Variants in FAM153A observed in about 807,000 individuals in gnomAD.
The protein encoded by FAM153A is family with sequence similarity 153 member A, also known as protein FAM153A.
A neutral mutation model predicts 48.1 loss-of-function variants in FAM153A; 12 were observed. The ratio of observed to expected loss-of-function variants is 0.25; its 90% CI spans 0.16 to 0.40. FAM153A has a LOEUF of 0.40. Among genes scored for constraint, FAM153A ranks in the 10% least tolerant of loss-of-function variants. The pLI, the probability that FAM153A is intolerant of heterozygous loss-of-function variation, is 1.00. For synonymous variants in FAM153A, 36 were observed against 118.2 expected (o/e 0.30, Z 4.51); for missense variants, 111 against 345.8 (o/e 0.32, Z 5.38).
chr5:177,715,606 T>C (rs1373611845), intron 25 of FAM153A, among the ~76,000 whole-genome samples: 7 of 151,762 alleles, frequency 4.6e-5, no homozygotes, highest in Admixed American at 2.0e-4. Flanking sequence ...GGCCAGCCTG[T>C]ACTTGCCTTC....
At chr5:177,703,045 C>A (rs1757587645), downstream of FAM153A, among the ~76,000 whole-genome samples, 6 of 152,246 alleles carry the variant, frequency 3.9e-5, no homozygotes, top group South Asian at 1.2e-3. Flanking sequence ...CCTAGTGGAG[C>A]TGTGAGAAGA....
downstream of FAM153A, among the ~76,000 whole-genome samples, chr5:177,709,137 G>GAAAAGCCT (rs1202009129): frequency 2.9e-5 from 2 of 69,048 alleles, no homozygotes; most frequent in East Asian, 9.7e-4. Flanking sequence ...AAAAAAGAAA[G>GAAAAGCCT]AAAAGCCTAG....
intron 1 of FAM153A, among the ~76,000 whole-genome samples, chr5:177,761,653 C>T (rs1182954198): frequency 1.0e-5 from 1 of 98,804 alleles, no homozygotes; most frequent in Non-Finnish European, 2.1e-5. Context: ...GAGTTTGTGG[C>T]GCGTTCTTTG....
At position 177,734,415 on chromosome 5, in the gene FAM153A, A is replaced by G; in HGVS notation, c.736-11T>C. The G allele has an allele frequency of 8.3e-7, 1 of 1,200,226 alleles. No homozygotes were observed. Among genetic ancestry groups the G allele is most frequent in the Non-Finnish European group, 1.2e-6 (1 of 866,270 alleles). 74.3% of individuals were successfully genotyped at this position (1,200,226 alleles called of 1,614,324 possible). On this transcript the variant is annotated splice_polypyrimidine_tract_variant and intron_variant, in intron 13 of 20. Transcript: ENST00000614127. ...AACTCCCAAGGATGTCTGTAACGACAGAAAATAAATTGCTATGAGCATCAG... is the reference window on the plus strand; with the variant it reads ...AACTCCCAAGGATGTCTGTAACGACGGAAAATAAATTGCTATGAGCATCAG...
chr5:177,699,504 C>T, the FAM153A span, among the ~76,000 whole-genome samples: 1 of 151,886 alleles, frequency 6.6e-6, no homozygotes, highest in African/African-American at 2.4e-5. Context: ...TCCAAAATTA[C>T]TAAAATTAGG....
chr5:177,769,067 TC>T (rs1342502946), intron 1 of FAM153A, among the ~76,000 whole-genome samples: 1 of 56,936 alleles, frequency 1.8e-5, no homozygotes, highest in Non-Finnish European at 3.4e-5. Flanking sequence ...ACTAAAGAAA[TC>T]CAAAAAAAAA....
intron 25 of FAM153A, among the ~76,000 whole-genome samples, chr5:177,715,702 T>A (rs948464287): frequency 6.6e-6 from 1 of 151,808 alleles, no homozygotes; most frequent in African/African-American, 2.4e-5. Context: ...AACACTTTTT[T>A]TGTTAGTTTT....
intron 25 of FAM153A, among the ~76,000 whole-genome samples, chr5:177,715,623 C>T (rs977765175): frequency 4.0e-5 from 6 of 151,692 alleles, no homozygotes; most frequent in African/African-American, 1.2e-4. Flanking sequence ...CTTCACACTG[C>T]GTCTTCCTTC....
At chr5:177,715,324 G>A (rs62398516) in intron 25 of FAM153A, among the ~76,000 whole-genome samples, 75,123 of 138,056 alleles carry the variant, frequency 0.54, 20,985 homozygotes, top group Middle Eastern at 0.61. Flanking sequence ...CAAGAAAGAT[G>A]TAAATTTGCT....
intron 25 of FAM153A, among the ~76,000 whole-genome samples, chr5:177,715,271 C>T (rs140340667): frequency 0.076 from 11,381 of 150,630 alleles, 591 homozygotes; most frequent in South Asian, 0.14. Flanking sequence ...CGTGAGCCAC[C>T]GCACCCGGCC....
chr5:177,717,104 T>G (rs536618931), intron 24 of FAM153A: 1 of 148,764 alleles, frequency 6.7e-6, no homozygotes, highest in Non-Finnish European at 1.5e-5. Context: ...GAAATTATAT[T>G]TTAAAAGTAA....
At chr5:177,722,006 C>T (rs1379739911), downstream of FAM153A, 5 of 150,662 alleles carry the variant, frequency 3.3e-5, no homozygotes, top group African/African-American at 1.2e-4. Context: ...ACCGAGTAAA[C>T]AAAACTTCAG....
chr5:177,705,624 C>T (rs1757805431), downstream of FAM153A, among the ~76,000 whole-genome samples: 1 of 142,162 alleles, frequency 7.0e-6, no homozygotes, highest in South Asian at 2.3e-4. Context: ...AACTTGTGCA[C>T]TGAAAACTAG....
At chr5:177,776,660 A>G (rs1769340129) in intron 1 of FAM153A, among the ~76,000 whole-genome samples, 1 of 48,314 alleles carries the variant, frequency 2.1e-5, no homozygotes, top group Non-Finnish European at 3.8e-5. Context: ...GGAAGAATCA[A>G]TATCGTGAAA....
At chr5:177,700,695 A>G in the FAM153A span, among the ~76,000 whole-genome samples, 1,967 of 151,852 alleles carry the variant, frequency 0.013, 92 homozygotes, top group African/African-American at 0.046. Flanking sequence ...CCAGCTACTC[A>G]GGAGGCTGAG....
At chr5:177,770,464 C>T (rs1256162016) in intron 1 of FAM153A, among the ~76,000 whole-genome samples, 1 of 94,992 alleles carries the variant, frequency 1.1e-5, no homozygotes, top group Non-Finnish European at 2.2e-5. Flanking sequence ...CATTCAATTA[C>T]CATGGAACTT....
chr5:177,698,033 A>G, the FAM153A span, among the ~76,000 whole-genome samples: 3 of 150,920 alleles, frequency 2.0e-5, no homozygotes, highest in African/African-American at 7.3e-5. Flanking sequence ...GGAAGTTAGC[A>G]ATTGTGTTCC....
chr5:177,733,984 A>G (rs1479387835), intron 14 of FAM153A, among the ~76,000 whole-genome samples: 1 of 112,822 alleles, frequency 8.9e-6, no homozygotes, highest in Non-Finnish European at 1.9e-5. Flanking sequence ...CTTACAAGTT[A>G]ATTTTTTCAT....
At chr5:177,709,819 C>T (rs1758248771), downstream of FAM153A, among the ~76,000 whole-genome samples, 1 of 121,562 alleles carries the variant, frequency 8.2e-6, no homozygotes, top group Non-Finnish European at 1.7e-5. Context: ...CTGCAGGCAC[C>T]TGCCACCATG....
Sources: gnomAD v4.1 joint callset for allele counts (sites outside exome capture counted in the v4.1 genomes callset) on GRCh38, gnomAD v4.1.1 for gene constraint, MANE v1.5 for transcripts, NCBI Gene and HGNC (gene_info 2026-07-23, HGNC 2026-07-21) for gene names.